The following COG6 variants were observed in gnomAD, a reference collection of about 807,000 sequenced individuals.
COG6 encodes the protein component of oligomeric golgi complex 6, also known as conserved oligomeric Golgi complex subunit 6.
COG6 carries 74 observed loss-of-function variants against 88.8 expected under a neutral mutation model. That is an observed-to-expected ratio of 0.83 (90% confidence interval 0.69 to 1.01). The LOEUF is 1.01. COG6 is among the 50% of genes least tolerant of loss of function. The pLI is 0.00. For synonymous variants in COG6, 286 were observed against 278.7 expected (o/e 1.03, Z -0.26); for missense variants, 800 against 797.9 (o/e 1.00, Z -0.03).
chr13:39,696,697 G>A (rs1047529478), intron 12 of COG6, among the ~76,000 whole-genome samples: 1 of 151,502 alleles, frequency 6.6e-6, no homozygotes, highest in Middle Eastern at 3.2e-3. Context: ...TGGATATTTC[G>A]ATTTTATACT....
chr13:39,725,376 C>T (rs978401363), intron 17 of COG6, among the ~76,000 whole-genome samples: 2 of 151,826 alleles, frequency 1.3e-5, no homozygotes, highest in African/African-American at 4.8e-5. Context: ...AACTAGTGAT[C>T]CTAAGTATTT....
intron 11 of COG6, among the ~76,000 whole-genome samples, chr13:39,690,533 T>G (rs1014249078): frequency 1.3e-5 from 2 of 152,038 alleles, no homozygotes; most frequent in Non-Finnish European, 2.9e-5. Flanking sequence ...ACTTGGCAAT[T>G]GTTGGTTTAC....
chr13:39,669,726 T>G (rs1387986213), intron 4 of COG6, among the ~76,000 whole-genome samples: 1 of 152,238 alleles, frequency 6.6e-6, no homozygotes, highest in African/African-American at 2.4e-5. Flanking sequence ...TCTGTTCATG[T>G]GTTCTCAAAA....
chr13:39,728,338 G>A (rs1051954900), intron 18 of COG6, among the ~76,000 whole-genome samples: 2 of 152,178 alleles, frequency 1.3e-5, no homozygotes, highest in South Asian at 2.1e-4. Context: ...AGAATGTAAT[G>A]TTATAGAGGT....
At chr13:39,732,973 A>T (rs997524393) in intron 18 of COG6, among the ~76,000 whole-genome samples, 5 of 152,140 alleles carry the variant, frequency 3.3e-5, no homozygotes, top group Non-Finnish European at 7.4e-5. Flanking sequence ...CAGTGGCATT[A>T]CTGACTTCTT....
chr13:39,753,654 C>A (rs947817945), downstream of COG6, among the ~76,000 whole-genome samples: 2 of 152,094 alleles, frequency 1.3e-5, no homozygotes, highest in African/African-American at 4.8e-5. Context: ...CTTTCTATGA[C>A]AGGATATTCC....
chr13:39,724,795 T>C (rs1481210271), intron 17 of COG6, among the ~76,000 whole-genome samples: 1 of 151,950 alleles, frequency 6.6e-6, no homozygotes, highest in African/African-American at 2.4e-5. Context: ...CATTACTGTT[T>C]AGGATTACTG....
At chr13:39,673,121 T>C (rs1465586267) in intron 4 of COG6, among the ~76,000 whole-genome samples, 1 of 152,120 alleles carries the variant, frequency 6.6e-6, no homozygotes, top group African/African-American at 2.4e-5. Context: ...TCTTTATATG[T>C]TCTGGATATA....
chr13:39,758,190 G>A (rs189978216), intron 18 of COG6, among the ~76,000 whole-genome samples: 275 of 144,694 alleles, frequency 1.9e-3, no homozygotes, highest in African/African-American at 6.8e-3. Flanking sequence ...ACTGCACTTC[G>A]GCCTGGCGAC....
At chr13:39,741,508 G>A (rs1880041555) in intron 18 of COG6, among the ~76,000 whole-genome samples, 1 of 152,158 alleles carries the variant, frequency 6.6e-6, no homozygotes, top group Non-Finnish European at 1.5e-5. Flanking sequence ...AAGGGTATCA[G>A]TGATTGAAGA....
exon 19 of COG6, chr13:39,788,555 T>C (rs1593491772): frequency 1.7e-6 from 1 of 598,496 alleles, no homozygotes; most frequent in Non-Finnish European, 3.0e-6. Flanking sequence ...TCAGATTTAC[T>C]CTTCAGAATA....
intron 13 of COG6, 56 bp downstream of exon 13, chr13:39,699,674 T>G: frequency 1.2e-6 from 1 of 864,010 alleles, no homozygotes; most frequent in Non-Finnish European, 2.0e-6. Context: ...TTAAAGATGT[T>G]TTAGTGATTT....
chr13:39,723,455 G>A lies in COG6; in HGVS notation c.1692+15G>A, dbSNP rs771599723. Reference sequence around the variant, plus strand: ...AACCTGAACAGGTAAGTGCATAGATGTTCCTTCCTAATTCTAAGAACATGC... The same window carrying A: ...AACCTGAACAGGTAAGTGCATAGATATTCCTTCCTAATTCTAAGAACATGC... On this transcript the variant is annotated intron_variant, in intron 16 of 18. Transcript: ENST00000455146. The A allele has an allele frequency of 1.1e-5, 15 of 1,406,256 alleles. No individual in the cohort carries two copies. In the Middle Eastern group the frequency reaches 5.3e-4, roughly 50 times the overall value. 87.1% of individuals were successfully genotyped at this position (1,406,256 alleles called of 1,614,324 possible). A position where few individuals can be genotyped will look rare whatever the true frequency, so the allele number is the denominator to read the frequency against.
chr13:39,662,431 CTTT>C (rs1224070176), intron 3 of COG6, among the ~76,000 whole-genome samples: 2 of 152,030 alleles, frequency 1.3e-5, no homozygotes, highest in Non-Finnish European at 2.9e-5. Flanking sequence ...CCGGCCAGTC[CTTT>C]ATATTTTCTT....
intron 3 of COG6, among the ~76,000 whole-genome samples, chr13:39,664,356 G>A (rs558357789): frequency 2.2e-4 from 34 of 152,214 alleles, no homozygotes; most frequent in African/African-American, 7.2e-4. Flanking sequence ...GTTTCTCTAC[G>A]TGCCTCATGA....
intron 17 of COG6, among the ~76,000 whole-genome samples, chr13:39,726,512 C>T (rs1321155504): frequency 6.6e-6 from 1 of 151,852 alleles, no homozygotes; most frequent in East Asian, 1.9e-4. Flanking sequence ...CGTCTTTCAC[C>T]TTGATTGCCC....
chr13:39,719,189 T>C (rs1878704455), intron 13 of COG6, 47 bp from the exon 14 acceptor site: 5 of 1,596,568 alleles, frequency 3.1e-6, no homozygotes, highest in Middle Eastern at 3.3e-4. Context: ...TACATTAAAA[T>C]TTAGTGGAAA....
chr13:39,783,183 T>A (rs535277705), intron 18 of COG6, among the ~76,000 whole-genome samples: 1 of 152,312 alleles, frequency 6.6e-6, no homozygotes, highest in South Asian at 2.1e-4. Context: ...GTCTTACATA[T>A]TTTCAAATAA....
At chr13:39,724,137 C>G (rs1157213037) in intron 16 of COG6, among the ~76,000 whole-genome samples, 1 of 152,018 alleles carries the variant, frequency 6.6e-6, no homozygotes, top group Non-Finnish European at 1.5e-5. Flanking sequence ...AAGCAAATTT[C>G]TACCAGTAGG....
Sources: gnomAD v4.1 joint callset for allele counts (sites outside exome capture counted in the v4.1 genomes callset) on GRCh38, gnomAD v4.1.1 for gene constraint, MANE v1.5 for transcripts, NCBI Gene and HGNC (gene_info 2026-07-23, HGNC 2026-07-21) for gene names.